TNRC6A: variants seen among roughly 807,000 people sequenced by gnomAD.
TNRC6A encodes the protein trinucleotide repeat-containing gene 6A protein.
A neutral mutation model predicts 221.2 loss-of-function variants in TNRC6A; 44 were observed. That is an observed-to-expected ratio of 0.20 (90% CI 0.16 to 0.26). The LOEUF (loss-of-function observed/expected upper bound fraction) is 0.26, where lower values mean the gene tolerates loss of function less well. Ranked by LOEUF, TNRC6A falls within the 10% of genes least tolerant of loss-of-function variation. The probability of loss-of-function intolerance (pLI) is 1.00; values close to 1 mark genes in which losing one functional copy is unlikely to be tolerated. For missense variants in TNRC6A, 2,199 were observed against 2,404.4 expected, an observed-to-expected ratio of 0.91 and a Z score of 1.79; for synonymous variants, 847 against 838.5, an observed-to-expected ratio of 1.01 and a Z score of -0.18.
In TNRC6A at chr16:24,820,273, G is replaced by C. The variant is rs776211805; in HGVS notation, c.5215G>C (p.Gly1739Arg). The C allele has an allele frequency of 6.2e-7, 1 of 1,614,138 alleles. No individual in the cohort carries two copies. The highest frequency in any genetic ancestry group is 1.1e-5 in the South Asian group (1 of 91,088). The change falls in exon 22 of 25, where the codon GGT becomes CGT. Residue 1739 changes from glycine to arginine, a missense_variant. Gly to Arg is a moderately radical substitution (Grantham distance 125). Coordinates refer to ENST00000395799, the MANE Select transcript of TNRC6A (RefSeq NM_014494.4). Reference protein sequence around the residue: ...APSRPPPGLTGQKPPLSTWDN... With the variant: ...APSRPPPGLTRQKPPLSTWDN... ...GTCCCGCCCACCTCCGGGACTGACT[G>C]GTCAGAAGCCACCCTTGTCTACGTG...
At chr16:24,683,199 G>A (rs1313317088) in intron 2 of TNRC6A, among the ~76,000 whole-genome samples, 2 of 151,972 alleles carry the variant, frequency 1.3e-5, no homozygotes, top group Admixed American at 1.3e-4. Flanking sequence ...TTTTGTTGTT[G>A]TTACTATTGT....
upstream of TNRC6A, among the ~76,000 whole-genome samples, chr16:24,728,586 T>C (rs2056533381): frequency 6.6e-6 from 1 of 152,158 alleles, no homozygotes; most frequent in Non-Finnish European, 1.5e-5. Flanking sequence ...GAGGAGGAAT[T>C]ATCTTTAAAT....
chr16:24,702,991 C>T (rs900858394), intron 2 of TNRC6A, among the ~76,000 whole-genome samples: 20 of 151,870 alleles, frequency 1.3e-4, no homozygotes, highest in South Asian at 2.1e-4. Flanking sequence ...GCCGAGATCG[C>T]GCCACTGCAC....
At chr16:24,712,733 T>A (rs936198371) in intron 2 of TNRC6A, among the ~76,000 whole-genome samples, 1 of 152,194 alleles carries the variant, frequency 6.6e-6, no homozygotes, top group Non-Finnish European at 1.5e-5. Context: ...TTCTCTATGC[T>A]TGAAGAATCT....
intron 2 of TNRC6A, among the ~76,000 whole-genome samples, chr16:24,684,790 A>T (rs1001906767): frequency 6.6e-6 from 1 of 152,216 alleles, no homozygotes; most frequent in African/African-American, 2.4e-5. Flanking sequence ...TGGGCAACAG[A>T]GCGAGACTGT....
intron 2 of TNRC6A, among the ~76,000 whole-genome samples, chr16:24,670,288 T>C (rs1292365219): frequency 1.3e-5 from 2 of 151,946 alleles, no homozygotes; most frequent in African/African-American, 4.8e-5. Context: ...ATGAGGACAT[T>C]GAGGCTTAAT....
chr16:24,692,120 A>G (rs1438061605), intron 2 of TNRC6A, among the ~76,000 whole-genome samples: 2 of 152,186 alleles, frequency 1.3e-5, no homozygotes, highest in Non-Finnish European at 2.9e-5. Flanking sequence ...TGGGGTTTCC[A>G]TGCTACAGGG....
intron 4 of TNRC6A, among the ~76,000 whole-genome samples, chr16:24,767,040 A>C (rs1430308251): frequency 6.6e-6 from 1 of 152,142 alleles, no homozygotes; most frequent in Non-Finnish European, 1.5e-5. Context: ...TTGGACCTAG[A>C]GTTTTATTTA....
intron 2 of TNRC6A, among the ~76,000 whole-genome samples, chr16:24,749,744 A>G (rs1428812791): frequency 1.3e-5 from 2 of 152,206 alleles, no homozygotes; most frequent in East Asian, 3.8e-4. Context: ...TGTTTCCTGA[A>G]ACACATTTGC....
At chr16:24,645,683 A>G (rs975766042) in intron 2 of TNRC6A, among the ~76,000 whole-genome samples, 4 of 151,272 alleles carry the variant, frequency 2.6e-5, no homozygotes, top group African/African-American at 7.3e-5. Flanking sequence ...TAATTTACAT[A>G]ATACTGGTGA....
chr16:24,820,493 T>C, intron 22 of TNRC6A, 133 bp downstream of exon 22: 1 of 766,384 alleles, frequency 1.3e-6, no homozygotes, highest in Non-Finnish European at 2.2e-6. Context: ...AGAACTTCGG[T>C]AAACAAATGA....
intron 11 of TNRC6A, among the ~76,000 whole-genome samples, chr16:24,801,871 T>C (rs1032888291): frequency 9.9e-5 from 15 of 152,182 alleles, no homozygotes; most frequent in Non-Finnish European, 1.8e-4. Flanking sequence ...CTGGTTGGAA[T>C]TGGTTACAGG....
chr16:24,707,188 G>T (rs933880663), intron 2 of TNRC6A, among the ~76,000 whole-genome samples: 1 of 151,974 alleles, frequency 6.6e-6, no homozygotes, highest in African/African-American at 2.4e-5. Flanking sequence ...TAGAGACAGG[G>T]TTTCAACATA....
intron 2 of TNRC6A, among the ~76,000 whole-genome samples, chr16:24,689,989 T>TAAAAAAA (rs60944175): frequency 2.2e-4 from 21 of 97,508 alleles, no homozygotes; most frequent in East Asian, 7.0e-4. Flanking sequence ...AGGCTTAAAG[T>TAAAAAAA]AAAAAAAAAA....
chr16:24,816,867 C>T lies in TNRC6A; in HGVS notation c.4883C>T (p.Thr1628Ile), dbSNP rs1029431825. 2 of 1,614,006 alleles carry T rather than the reference C, an allele frequency of 1.2e-6. No homozygotes were observed. The highest frequency in any genetic ancestry group is 2.7e-5 in the African/African-American group (2 of 74,930). Residue 1628 changes from threonine (T) to isoleucine (I), a missense_variant, in exon 20 of 25, where the codon ACT becomes ATT. Physicochemically the swap from Thr to Ile is moderately conservative, Grantham distance 89. Transcript: ENST00000395799. ...WKGYPNIDPE[T>I]DPYVTPGSVI... The stretch of plus-strand genomic sequence containing the variant: ...GGTTATCCAAACATTGACCCTGAAA[C>T]TGACCCTTACGTCACTCCTGGCAGT...
At chr16:24,651,128 A>G (rs915395037) in intron 2 of TNRC6A, among the ~76,000 whole-genome samples, 2 of 151,514 alleles carry the variant, frequency 1.3e-5, no homozygotes, top group Non-Finnish European at 2.9e-5. Flanking sequence ...TTCCCGCAAC[A>G]TTGTTTATAA....
intron 2 of TNRC6A, among the ~76,000 whole-genome samples, chr16:24,714,302 C>CTTTTTTTTTTTTTTT (rs60469088): frequency 2.8e-5 from 2 of 71,294 alleles, no homozygotes; most frequent in African/African-American, 5.8e-5. Flanking sequence ...TGCTGTTAAT[C>CTTTTTTTTTTTTTTT]TTTTTTTTTT....
intron 2 of TNRC6A, among the ~76,000 whole-genome samples, chr16:24,714,864 C>T (rs2056282414): frequency 6.6e-6 from 1 of 150,508 alleles, no homozygotes; most frequent in African/African-American, 2.5e-5. Flanking sequence ...TTATCTGGTA[C>T]ATTGTAGTTT....
intron 2 of TNRC6A, among the ~76,000 whole-genome samples, chr16:24,643,474 C>T (rs899767498): frequency 7.9e-5 from 12 of 151,966 alleles, no homozygotes; most frequent in Non-Finnish European, 1.2e-4. Context: ...GTGACCACCC[C>T]GATCCACCAT....
Sources: allele counts gnomAD v4.1 joint callset (sites outside exome capture counted in the v4.1 genomes callset), GRCh38; gene constraint gnomAD v4.1.1; transcripts MANE v1.5; gene names NCBI Gene and HGNC (gene_info 2026-07-23, HGNC 2026-07-21).